CSMD3: variants seen among roughly 807,000 people sequenced by gnomAD.
CSMD3 encodes CUB and sushi domain-containing protein 3.
CSMD3 carries 177 observed loss-of-function variants against 435.2 expected under a neutral mutation model. That is an observed-to-expected ratio of 0.41 (90% CI 0.36 to 0.46). The LOEUF is 0.46. CSMD3 is among the 20% of genes least tolerant of loss of function. CSMD3 has a pLI of 0.34. For synonymous variants in CSMD3, 1,656 were observed against 1,520.5 expected, an observed-to-expected ratio of 1.09 and a Z score of -2.07; for missense variants, 4,265 against 4,504.6, an observed-to-expected ratio of 0.95 and a Z score of 1.52.
Position 112,274,529 on chromosome 8 carries a change from G to C in CSMD3, c.9508+6645C>G, listed in dbSNP as rs189369595. Among the ~76,000 whole-genome samples the C allele has an allele frequency of 3.6e-4, 55 of 152,264 alleles. 1 individual carries two copies. The highest frequency in any genetic ancestry group is 1.3e-4 in the Non-Finnish European group (9 of 68,016). On this transcript the variant is annotated intron_variant, in intron 59 of 70. Transcript: ENST00000297405. ...ATATAGGAAGGAAACTCCTTAAACA[G>C]TCAGCAGATTTCTGATCAGCTCCTG...
chr8:112,368,434 G>C (rs1827999898), intron 38 of CSMD3, among the ~76,000 whole-genome samples: 1 of 152,142 alleles, frequency 6.6e-6, no homozygotes, highest in Non-Finnish European at 1.5e-5. Flanking sequence ...CAAGATGATT[G>C]CAATGCACAA....
At position 112,670,142 on chromosome 8, in the gene CSMD3, G is replaced by T. The variant is rs555673999; in HGVS notation, c.2678-3727C>A. ...TTCTGTTTAATTTGAAGATTAAACA[G>T]GATGAAATCAAGAATGAAGATGAAA... On this transcript the variant is annotated intron_variant, in intron 16 of 70. Coordinates refer to ENST00000297405, the MANE Select transcript of CSMD3 (RefSeq NM_198123.2). Among the ~76,000 whole-genome samples, 9 of 152,210 alleles carry T rather than the reference G, an allele frequency of 5.9e-5. No homozygotes were observed. In the East Asian group the frequency reaches 1.7e-3, roughly 29 times the overall value.
intron 32 of CSMD3, among the ~76,000 whole-genome samples, chr8:112,410,409 A>G (rs1337205420): frequency 6.7e-6 from 1 of 149,878 alleles, no homozygotes; most frequent in Non-Finnish European, 1.5e-5. Flanking sequence ...ATGGTTTACA[A>G]GTCATACAAA....
At position 112,926,212 on chromosome 8, in the gene CSMD3, A is replaced by C. The variant is rs570825854; in HGVS notation, c.1509-4461T>G. Among the ~76,000 whole-genome samples, 14 of 151,448 alleles carry C rather than the reference A, an allele frequency of 9.2e-5. No individual in the cohort carries two copies. In the South Asian group the frequency reaches 2.7e-3, roughly 29 times the overall value. ...TTAACTGTTTTAATATTTGAGTCAA[A>C]CTTAAGAAAAACTTACACTCATTAA... is the stretch of plus-strand genomic sequence containing the variant. On this transcript the variant is annotated intron_variant, in intron 9 of 70. Transcript: ENST00000297405.
intron 18 of CSMD3, among the ~76,000 whole-genome samples, chr8:112,651,354 G>T (rs2075121738): frequency 6.6e-6 from 1 of 152,092 alleles, no homozygotes; most frequent in South Asian, 2.1e-4. Flanking sequence ...CAAAATAGAA[G>T]TTTAATTTTA....
At chr8:112,547,811 T>G (rs1209523432) in intron 27 of CSMD3, among the ~76,000 whole-genome samples, 1 of 152,100 alleles carries the variant, frequency 6.6e-6, no homozygotes, top group Non-Finnish European at 1.5e-5. Context: ...TGTATGAAAT[T>G]AAGAGTTGCT....
At chr8:112,728,254 T>C (rs1196476964) in intron 13 of CSMD3, among the ~76,000 whole-genome samples, 1 of 151,646 alleles carries the variant, frequency 6.6e-6, no homozygotes, top group Admixed American at 6.6e-5. Context: ...GCTTAGGAAA[T>C]TGAACAATAA....
chr8:113,284,489 A>C (rs549410104), intron 2 of CSMD3, among the ~76,000 whole-genome samples: 65 of 152,326 alleles, frequency 4.3e-4, no homozygotes, highest in African/African-American at 1.5e-3. Flanking sequence ...AGAGAAAGTA[A>C]GTTTTCCCCA....
At chr8:112,539,768 CT>C (rs1254126397) in intron 27 of CSMD3, among the ~76,000 whole-genome samples, 1 of 152,028 alleles carries the variant, frequency 6.6e-6, no homozygotes, top group African/African-American at 2.4e-5. Flanking sequence ...AGGTTAAGAC[CT>C]AAATGTAAGT....
chr8:113,205,986 C>T (rs1391377309), intron 3 of CSMD3, among the ~76,000 whole-genome samples: 3 of 151,534 alleles, frequency 2.0e-5, no homozygotes, highest in African/African-American at 7.3e-5. Context: ...TGGCCTGATG[C>T]CCTTTGTATT....
At position 112,336,842 on chromosome 8, in the gene CSMD3, T is replaced by C. The variant is rs373331754; in HGVS notation, c.6842-13A>G. ...CCACCACAAAGAGCTACGGAAAAAGTCACAAAACAAAATAATATTTTAAAA... is the reference window on the plus strand; with the variant it reads ...CCACCACAAAGAGCTACGGAAAAAGCCACAAAACAAAATAATATTTTAAAA... On this transcript the variant is annotated splice_polypyrimidine_tract_variant and intron_variant, in intron 43 of 70. Transcript: ENST00000297405. 5.6e-6 allele frequency: 9 copies of C among 1,605,848 alleles called. No individual in the cohort carries two copies. The African/African-American group carries it at 1.2e-4, about 21-fold the overall frequency.
Position 113,217,421 on chromosome 8 carries a change from A to T in CSMD3, c.515-43505T>A, listed in dbSNP as rs1317514565. The stretch of plus-strand genomic sequence containing the variant: ...ACACAAGTATTGGAATTAATAGATA[A>T]GAATTTTAAAAGCCTAGTTATAAAC... On this transcript the variant is annotated intron_variant, in intron 3 of 70. Coordinates refer to ENST00000297405, the MANE Select transcript of CSMD3 (RefSeq NM_198123.2). Among the ~76,000 whole-genome samples the T allele has an allele frequency of 4.0e-5, 6 of 151,592 alleles. No individual in the cohort carries two copies. The East Asian group carries it at 1.2e-3, about 29-fold the overall frequency.
chr8:112,641,668 C>A (rs1471571058), intron 20 of CSMD3, among the ~76,000 whole-genome samples: 8 of 151,870 alleles, frequency 5.3e-5, no homozygotes, highest in African/African-American at 1.9e-4. Flanking sequence ...GGAATCCCAA[C>A]TCTACAAAAA....
intron 10 of CSMD3, among the ~76,000 whole-genome samples, chr8:112,902,559 A>G (rs762224387): frequency 4.6e-5 from 7 of 151,288 alleles, no homozygotes; most frequent in East Asian, 3.9e-4. Flanking sequence ...AAGGTACCCA[A>G]TGGTCTGCTG....
chr8:112,424,893 T>C (rs919002936), intron 32 of CSMD3, among the ~76,000 whole-genome samples: 1 of 152,192 alleles, frequency 6.6e-6, no homozygotes, highest in East Asian at 1.9e-4. Flanking sequence ...GGTTTCACCA[T>C]GTTGGCCAGG....
intron 3 of CSMD3, among the ~76,000 whole-genome samples, chr8:113,212,592 CATGG>C (rs1305769965): frequency 6.6e-6 from 1 of 152,032 alleles, no homozygotes; most frequent in African/African-American, 2.4e-5. Flanking sequence ...TTTGTAGGGA[CATGG>C]ATGAAGCTGG....
intron 17 of CSMD3, among the ~76,000 whole-genome samples, chr8:112,660,844 G>T (rs184357803): frequency 1.3e-5 from 2 of 152,206 alleles, no homozygotes; most frequent in East Asian, 3.9e-4. Flanking sequence ...AATTAACAAA[G>T]AATGATTTTT....
intron 7 of CSMD3, among the ~76,000 whole-genome samples, chr8:112,967,064 A>C (rs2084446306): frequency 6.6e-6 from 1 of 151,848 alleles, no homozygotes; most frequent in Non-Finnish European, 1.5e-5. Flanking sequence ...GAAATGCGAA[A>C]TCTCAGATCC....
At chr8:112,460,029 C>A (rs1039771861) in intron 32 of CSMD3, among the ~76,000 whole-genome samples, 2 of 152,092 alleles carry the variant, frequency 1.3e-5, no homozygotes, top group South Asian at 4.1e-4. Context: ...CACCAGCCTG[C>A]CTTAGCTGTT....
Sources: allele counts gnomAD v4.1 joint callset (sites outside exome capture counted in the v4.1 genomes callset), GRCh38; gene constraint gnomAD v4.1.1; transcripts MANE v1.5; gene names NCBI Gene and HGNC (gene_info 2026-07-23, HGNC 2026-07-21).